Variants in AHCYL1 observed in about 807,000 individuals in gnomAD.
AHCYL1 encodes the protein adenosylhomocysteinase like 1.
AHCYL1 carries 20 observed loss-of-function variants against 79.3 expected under a neutral mutation model. That is an observed-to-expected ratio of 0.25 (90% CI 0.18 to 0.37). The LOEUF is 0.37. Ranked by LOEUF, AHCYL1 falls within the 10% of genes least tolerant of loss-of-function variation. The pLI, the probability that AHCYL1 is intolerant of heterozygous loss-of-function variation, is 1.00. For missense variants in AHCYL1, 330 were observed against 673.6 expected, an observed-to-expected ratio of 0.49 and a Z score of 5.65; for synonymous variants, 223 against 242.2, an observed-to-expected ratio of 0.92 and a Z score of 0.74.
chr1:110,013,774 T>C (rs958581658), intron 5 of AHCYL1, among the ~76,000 whole-genome samples: 2 of 151,646 alleles, frequency 1.3e-5, no homozygotes. Context: ...CACCGTGAAG[T>C]TTCTTTGAGG....
chr1:110,010,360 G>C (rs1053602634), intron 2 of AHCYL1, among the ~76,000 whole-genome samples: 1 of 152,224 alleles, frequency 6.6e-6, no homozygotes, highest in African/African-American at 2.4e-5. Context: ...AGGTATACTA[G>C]CAGAAACCGT....
Position 109,984,913 on chromosome 1 carries a change from A to AGCCGACGCAG in AHCYL1, c.-139_-130dup. On this transcript the variant is annotated 5_prime_UTR_variant, in exon 1 of 17. Coordinates refer to ENST00000369799, the MANE Select transcript of AHCYL1 (RefSeq NM_006621.7). ...AAGGCGTGGGCCACAGCACCTCAGAAGCCGACGCAGCTCGACGCAGGGGCC... is the reference window on the plus strand; with the variant it reads ...AAGGCGTGGGCCACAGCACCTCAGAAGCCGACGCAGGCCGACGCAGCTCGACGCAGGGGCC... 7.8e-7 allele frequency: 1 copy of AGCCGACGCAG among 1,285,436 alleles called. No homozygotes were observed. Among genetic ancestry groups the AGCCGACGCAG allele is most frequent in the Non-Finnish European group, 9.9e-7 (1 of 1,008,748 alleles). The allele number at this position is 1,285,436 out of a possible 1,614,324, so 79.6% of individuals were successfully genotyped here.
At chr1:110,003,988 A>T (rs1249669659) in intron 1 of AHCYL1, 1 of 985,290 alleles carries the variant, frequency 1.0e-6, no homozygotes, top group Admixed American at 6.2e-5. Context: ...CAAGGGTCAA[A>T]CTACTCTTTG....
chr1:109,985,155 A>G lies in AHCYL1; in HGVS notation c.103A>G (p.Thr35Ala). 6.2e-7 allele frequency: 1 copy of G among 1,609,572 alleles called. No homozygotes were observed. The highest frequency in any genetic ancestry group is 1.1e-5 in the South Asian group (1 of 90,484). ...AEKYSFMATV[T>A]KAPKKQIQFA... The stretch of plus-strand genomic sequence containing the variant: ...GAAGTACTCCTTCATGGCCACCGTC[A>G]CCAAGGCGCCCAAGAAGGTGCGGGG... The change falls in exon 1 of 17, where the codon ACC (threonine) becomes GCC (alanine). Residue 35 changes from threonine to alanine, a missense_variant. Thr to Ala is a moderately conservative substitution (Grantham distance 58, BLOSUM62 0). Transcript: ENST00000369799.
At chr1:110,020,923 C>A in intron 16 of AHCYL1, 72 bp downstream of exon 16, 2 of 1,527,562 alleles carry the variant, frequency 1.3e-6, no homozygotes, top group Non-Finnish European at 1.8e-6. Context: ...CTGCTTCTGA[C>A]ATAAAGATCA....
rs997583840 is a variant in AHCYL1 at position 110,004,584 on chromosome 1, T to C, written c.121-4450T>C. The C allele has an allele frequency of 1.8e-5, 15 of 812,708 alleles. No individual in the cohort carries two copies. In the African/African-American group the frequency reaches 2.6e-4, roughly 14 times the overall value. 50.3% of individuals were successfully genotyped at this position (812,708 alleles called of 1,614,324 possible). On this transcript the variant is annotated intron_variant, in intron 1 of 16. Transcript: ENST00000369799. ...CAAGGAGTGGGTGTTTATTGATAAC[T>C]GTTTCTTTGGGTTCATCTGAAGTGG...
rs1649396004 is a variant in AHCYL1 at position 109,985,126 on chromosome 1, C to G, written c.74C>G (p.Ala25Gly). 1 of 1,611,270 alleles carries G rather than the reference C, an allele frequency of 6.2e-7. No individual in the cohort carries two copies. Among genetic ancestry groups the G allele is most frequent in the Admixed American group, 1.7e-5 (1 of 59,862 alleles). The part of the protein sequence containing the change: ...ELKQAKEIED[A>G]EKYSFMATVT... ...AAGCAGGCCAAGGAGATCGAGGACG[C>G]CGAGAAGTACTCCTTCATGGCCACC... The change falls in exon 1 of 17, where the codon GCC becomes GGC. Residue 25 changes from alanine (A) to glycine (G), a missense_variant. Physicochemically the swap from Ala to Gly is moderately conservative, Grantham distance 60 (BLOSUM62 0). Coordinates refer to ENST00000369799, the MANE Select transcript of AHCYL1 (RefSeq NM_006621.7).
At chr1:110,013,049 CAT>C in intron 5 of AHCYL1, 50 bp downstream of exon 5, 2 of 1,415,628 alleles carry the variant, frequency 1.4e-6, no homozygotes, top group Admixed American at 2.0e-5. Context: ...GTTATCCAAA[CAT>C]ATAACTTTTT....
chr1:109,999,863 T>A (rs1304991783), intron 1 of AHCYL1, among the ~76,000 whole-genome samples: 1 of 152,168 alleles, frequency 6.6e-6, no homozygotes, highest in Non-Finnish European at 1.5e-5. Flanking sequence ...GGTTTATAAA[T>A]GTGAGCCACT....
Position 110,021,805 on chromosome 1 carries a change from T to A in AHCYL1, c.*125T>A. 9.3e-7 allele frequency: 1 copy of A among 1,080,460 alleles called. No homozygotes were observed. The highest frequency in any genetic ancestry group is 1.3e-6 in the Non-Finnish European group (1 of 750,620). 66.9% of individuals were successfully genotyped at this position (1,080,460 alleles called of 1,614,324 possible). A position where few individuals can be genotyped will look rare whatever the true frequency, so the allele number is the denominator to read the frequency against. On this transcript the variant is annotated 3_prime_UTR_variant, in exon 17 of 17. Transcript: ENST00000369799. ...TTTTTTCCTATAATTTCATTCTTGT[T>A]TTTTCATCTCATTATCCAAGTTCTG...
At chr1:110,016,492 A>G (rs565732609) in intron 8 of AHCYL1, 32 bp downstream of exon 8, 7 of 1,590,872 alleles carry the variant, frequency 4.4e-6, no homozygotes, top group South Asian at 2.2e-5. Context: ...TCAAACTTCT[A>G]GGGGCTCTGG....
rs1649381086 is a variant in AHCYL1, at chr1:109,984,940, G to T, written c.-113G>T. On this transcript the variant is annotated 5_prime_UTR_variant, in exon 1 of 17. Transcript: ENST00000369799. Reference sequence around the variant, plus strand: ...CCGACGCAGCTCGACGCAGGGGCCGGCAGGAGGGTGGGCGATCGCGTGTCG... The same window carrying T: ...CCGACGCAGCTCGACGCAGGGGCCGTCAGGAGGGTGGGCGATCGCGTGTCG... 1.5e-6 allele frequency: 2 copies of T among 1,335,082 alleles called. No homozygotes were observed. Among genetic ancestry groups the T allele is most frequent in the Admixed American group, 4.1e-5 (1 of 24,126 alleles). The allele number at this position is 1,335,082 out of a possible 1,614,324, so 82.7% of individuals were successfully genotyped here. A position where few individuals can be genotyped will look rare whatever the true frequency, so the allele number is the denominator to read the frequency against.
At chr1:110,011,623 A>T (rs1651040528) in intron 3 of AHCYL1, among the ~76,000 whole-genome samples, 1 of 152,170 alleles carries the variant, frequency 6.6e-6, no homozygotes, top group Admixed American at 6.5e-5. Flanking sequence ...GTATTCAAAG[A>T]TCTACATGGC....
Position 109,984,903 on chromosome 1 carries a change from G to A in AHCYL1, c.-150G>A, listed in dbSNP as rs1029331035. 8 of 1,235,756 alleles carry A rather than the reference G, an allele frequency of 6.5e-6. No homozygotes were observed. The South Asian group carries it at 1.1e-4, about 17-fold the overall frequency. The allele number at this position is 1,235,756 out of a possible 1,614,324, so 76.5% of individuals were successfully genotyped here. Reference sequence around the variant, plus strand: ...CCGAACAGACAAGGCGTGGGCCACAGCACCTCAGAAGCCGACGCAGCTCGA... The same window carrying A: ...CCGAACAGACAAGGCGTGGGCCACAACACCTCAGAAGCCGACGCAGCTCGA... On this transcript the variant is annotated 5_prime_UTR_variant, in exon 1 of 17. Coordinates refer to ENST00000369799, the MANE Select transcript of AHCYL1 (RefSeq NM_006621.7).
At chr1:110,013,585 C>G (rs1314871650) in intron 5 of AHCYL1, among the ~76,000 whole-genome samples, 1 of 151,726 alleles carries the variant, frequency 6.6e-6, no homozygotes, top group East Asian at 2.0e-4. Flanking sequence ...TGGTGTGCGC[C>G]TGTAATCTCA....
At chr1:110,008,937 A>T in intron 1 of AHCYL1, 97 bp from the exon 2 acceptor site, 1 of 912,364 alleles carries the variant, frequency 1.1e-6, no homozygotes, top group East Asian at 2.9e-5. Context: ...CCATGTGATT[A>T]CATGGCTTTT....
chr1:110,012,469 T>C lies in AHCYL1; in HGVS notation c.477+7T>C. 1 of 1,576,452 alleles carries C rather than the reference T, an allele frequency of 6.3e-7. No individual in the cohort carries two copies. The highest frequency in any genetic ancestry group is 1.8e-4 in the Middle Eastern group (1 of 5,494). On this transcript the variant is annotated splice_region_variant and intron_variant, in intron 4 of 16. Coordinates refer to ENST00000369799, the MANE Select transcript of AHCYL1 (RefSeq NM_006621.7). ...CATCACAGCCCAGACAGCGGTGAGT[T>C]TGTTGGAAGAAAAGAGGGACTTCTG...
intron 1 of AHCYL1, chr1:110,000,915 G>A: frequency 1.0e-6 from 1 of 979,790 alleles, no homozygotes; most frequent in Non-Finnish European, 1.2e-6. Context: ...TAAACTGTAA[G>A]CCACAGGTGT....
intron 13 of AHCYL1, 120 bp downstream of exon 13, chr1:110,018,770 G>C (rs889480475): frequency 3.8e-6 from 4 of 1,043,406 alleles, no homozygotes; most frequent in Non-Finnish European, 5.6e-6. Flanking sequence ...TTTGGAGAGA[G>C]AGATATTTCA....
Sources: gnomAD v4.1 joint callset for allele counts (sites outside exome capture counted in the v4.1 genomes callset) on GRCh38, gnomAD v4.1.1 for gene constraint, MANE v1.5 for transcripts, NCBI Gene and HGNC (gene_info 2026-07-23, HGNC 2026-07-21) for gene names.